HSD17B12: variants seen among roughly 807,000 people sequenced by gnomAD.
HSD17B12 encodes the protein very-long-chain 3-oxoacyl-CoA reductase.
A neutral mutation model predicts 39.3 loss-of-function variants in HSD17B12; 32 were observed. That is an observed-to-expected ratio of 0.81 (90% CI 0.61 to 1.09). The LOEUF (loss-of-function observed/expected upper bound fraction) is 1.09, where lower values mean the gene tolerates loss of function less well. Among genes scored for constraint, HSD17B12 ranks in the 50% least tolerant of loss-of-function variants. The probability of loss-of-function intolerance (pLI) is 0.00; values close to 1 mark genes in which losing one functional copy is unlikely to be tolerated. For synonymous variants in HSD17B12, 150 were observed against 146.7 expected (o/e 1.02, Z -0.16); for missense variants, 342 against 382.9 (o/e 0.89, Z 0.89).
the HSD17B12 span, among the ~76,000 whole-genome samples, chr11:43,608,100 G>C: frequency 6.6e-6 from 1 of 152,180 alleles, no homozygotes; most frequent in Non-Finnish European, 1.5e-5. Flanking sequence ...CAGGTGCGGT[G>C]GCTCACGTCT....
the HSD17B12 span, among the ~76,000 whole-genome samples, chr11:43,560,289 C>T: frequency 1.3e-5 from 2 of 152,286 alleles, no homozygotes; most frequent in Admixed American, 6.5e-5. Flanking sequence ...TTGATACAAG[C>T]GCTTTGTACC....
chr11:43,719,108 A>T (rs897036916), intron 1 of HSD17B12: 2 of 764,166 alleles, frequency 2.6e-6, no homozygotes, highest in Non-Finnish European at 2.4e-6. Flanking sequence ...TCCTGATTAC[A>T]ATGCTTTGGA....
chr11:43,812,527 T>C (rs1951082924), intron 4 of HSD17B12, among the ~76,000 whole-genome samples: 1 of 152,266 alleles, frequency 6.6e-6, no homozygotes, highest in Non-Finnish European at 1.5e-5. Context: ...TTTTGAGAAA[T>C]ATCTATCCAT....
intron 9 of HSD17B12, among the ~76,000 whole-genome samples, chr11:43,844,970 A>G (rs193196621): frequency 6.7e-6 from 1 of 148,520 alleles, no homozygotes; most frequent in African/African-American, 2.5e-5. Context: ...TGTACTTCTG[A>G]AAAATAAGGG....
chr11:43,768,202 C>T (rs1294569683), intron 3 of HSD17B12, among the ~76,000 whole-genome samples: 3 of 152,126 alleles, frequency 2.0e-5, no homozygotes, highest in African/African-American at 7.2e-5. Context: ...ATCCCCAAAA[C>T]GTAATGTCAG....
intron 1 of HSD17B12, among the ~76,000 whole-genome samples, chr11:43,717,592 A>G (rs1041433026): frequency 2.0e-5 from 3 of 152,046 alleles, no homozygotes; most frequent in Non-Finnish European, 4.4e-5. Context: ...AGGGTTCACG[A>G]TGGCCTCACC....
At chr11:43,682,345 G>A (rs756995767) in intron 1 of HSD17B12, among the ~76,000 whole-genome samples, 3 of 152,200 alleles carry the variant, frequency 2.0e-5, no homozygotes, top group Non-Finnish European at 4.4e-5. Flanking sequence ...AAGGTCAGGA[G>A]TTTGAGACCA....
At chr11:43,634,366 A>G in the HSD17B12 span, among the ~76,000 whole-genome samples, 1 of 151,992 alleles carries the variant, frequency 6.6e-6, no homozygotes, top group Non-Finnish European at 1.5e-5. Context: ...AAGTCCAAAT[A>G]ATCCATCTCT....
At position 43,784,372 on chromosome 11, in the gene HSD17B12, C is replaced by T. The variant is rs553950721; in HGVS notation, c.284-13948C>T. Among the ~76,000 whole-genome samples, 3 of 148,480 alleles carry T rather than the reference C, an allele frequency of 2.0e-5. No individual in the cohort carries two copies. The East Asian group carries it at 5.9e-4, about 29-fold the overall frequency. On this transcript the variant is annotated intron_variant, in intron 3 of 10. Transcript: ENST00000278353. ...TTTAACTGCCAGGGCCAGATGGTGACACCAGGCCATCTGGCTATTTATCTT... is the reference window on the plus strand; with the variant it reads ...TTTAACTGCCAGGGCCAGATGGTGATACCAGGCCATCTGGCTATTTATCTT...
At chr11:43,717,451 C>CTA (rs1422307426) in intron 1 of HSD17B12, among the ~76,000 whole-genome samples, 7 of 152,078 alleles carry the variant, frequency 4.6e-5, no homozygotes, top group Non-Finnish European at 1.0e-4. Flanking sequence ...ATACCTATTG[C>CTA]TATATAACAA....
rs557054321 is a variant in HSD17B12, at chr11:43,767,241, G to T, written c.283+13120G>T. Among the ~76,000 whole-genome samples, 14 of 152,120 alleles carry T rather than the reference G, an allele frequency of 9.2e-5. No individual in the cohort carries two copies. In the East Asian group the frequency reaches 1.9e-3, roughly 21 times the overall value. On this transcript the variant is annotated intron_variant, in intron 3 of 10. Transcript: ENST00000278353. Reference sequence around the variant, plus strand: ...ACACTTTTTTTGGTTGGGAAATGTGGGACCAAGGTGTTATTAAATGAGTAC... The same window carrying T: ...ACACTTTTTTTGGTTGGGAAATGTGTGACCAAGGTGTTATTAAATGAGTAC...
the HSD17B12 span, among the ~76,000 whole-genome samples, chr11:43,593,033 G>C: frequency 6.6e-6 from 1 of 152,148 alleles, no homozygotes; most frequent in Admixed American, 6.5e-5. Flanking sequence ...TCTTAGCTTA[G>C]TGATGTCATG....
At chr11:43,595,052 T>C in the HSD17B12 span, among the ~76,000 whole-genome samples, 1 of 152,174 alleles carries the variant, frequency 6.6e-6, no homozygotes, top group African/African-American at 2.4e-5. Context: ...AATTTTCAAA[T>C]ATCTGAACTG....
At chr11:43,834,869 G>T (rs1951353835) in intron 7 of HSD17B12, among the ~76,000 whole-genome samples, 1 of 151,368 alleles carries the variant, frequency 6.6e-6, no homozygotes, top group African/African-American at 2.5e-5. Context: ...TCAGCAATTG[G>T]TGTTTTCTGC....
At chr11:43,641,901 A>G in the HSD17B12 span, among the ~76,000 whole-genome samples, 1 of 151,936 alleles carries the variant, frequency 6.6e-6, no homozygotes, top group Admixed American at 6.5e-5. Flanking sequence ...AATTAAAAGA[A>G]TAAAACAAGT....
chr11:43,597,668 C>T, the HSD17B12 span, among the ~76,000 whole-genome samples: 2 of 152,060 alleles, frequency 1.3e-5, no homozygotes, highest in Non-Finnish European at 2.9e-5. Flanking sequence ...TGTTTTGAAA[C>T]GAAGTCTCGC....
rs1010913503 is a variant in HSD17B12, at chr11:43,831,175, C to T, written c.536+165C>T. ...CGAGTCACAGTAGAGCATGAGTCAT[C>T]GGTGGTGGAGGCCTTTTCCACTCGA... On this transcript the variant is annotated intron_variant, in intron 7 of 10. Coordinates refer to ENST00000278353, the MANE Select transcript of HSD17B12 (RefSeq NM_016142.3). The surrounding 1 kb of genome is among the most constrained non-coding windows in gnomAD (Gnocchi z 4.1). 2.2e-5 allele frequency: 11 copies of T among 506,372 alleles called. No homozygotes were observed. The highest frequency in any genetic ancestry group is 9.9e-5 in the African/African-American group (5 of 50,416). The allele number at this position is 506,372 out of a possible 1,614,324, so 31.4% of individuals were successfully genotyped here. A position where few individuals can be genotyped will look rare whatever the true frequency, so the allele number is the denominator to read the frequency against.
the HSD17B12 span, among the ~76,000 whole-genome samples, chr11:43,566,415 C>A: frequency 3.9e-5 from 6 of 152,300 alleles, no homozygotes; most frequent in Admixed American, 2.6e-4. Flanking sequence ...TAACAAGAAG[C>A]CAGGCCACTG....
chr11:43,747,584 G>A (rs1437068285), intron 1 of HSD17B12, among the ~76,000 whole-genome samples: 2 of 152,190 alleles, frequency 1.3e-5, no homozygotes, highest in African/African-American at 2.4e-5. Flanking sequence ...TGTAAACACT[G>A]TGTTCAAGGA....
Sources: allele counts gnomAD v4.1 joint callset (sites outside exome capture counted in the v4.1 genomes callset), GRCh38; gene constraint gnomAD v4.1.1; non-coding constraint Gnocchi (gnomAD v3.1); transcripts MANE v1.5; gene names NCBI Gene and HGNC (gene_info 2026-07-23, HGNC 2026-07-21).